The following LIMS1 variants were observed in gnomAD, a reference collection of about 807,000 sequenced individuals.
The protein encoded by LIMS1 is LIM and senescent cell antigen-like-containing domain protein 1.
A neutral mutation model predicts 44.1 loss-of-function variants in LIMS1; 18 were observed. The observed-to-expected ratio is 0.41, with a 90% CI of 0.28 to 0.61. The LOEUF is 0.61. Ranked by LOEUF, LIMS1 falls within the 20% of genes least tolerant of loss-of-function variation. The pLI is 0.32. For missense variants in LIMS1, 201 were observed against 422.0 expected, an observed-to-expected ratio of 0.48 and a Z score of 4.59; for synonymous variants, 93 against 149.1, an observed-to-expected ratio of 0.62 and a Z score of 2.74.
At chr2:108,601,062 G>A (rs989013633) in intron 1 of LIMS1, among the ~76,000 whole-genome samples, 1 of 152,084 alleles carries the variant, frequency 6.6e-6, no homozygotes, top group East Asian at 1.9e-4. Context: ...AGCCTCCTGA[G>A]TAGCTGGGAT....
chr2:108,573,677 T>C (rs1375647046), intron 1 of LIMS1, among the ~76,000 whole-genome samples: 1 of 152,178 alleles, frequency 6.6e-6, no homozygotes, highest in Non-Finnish European at 1.5e-5. Flanking sequence ...TTCATGGTGC[T>C]CATGTCCTTG....
upstream of LIMS1, chr2:108,533,714 A>C (rs1683999240): frequency 6.6e-6 from 1 of 152,542 alleles, no homozygotes; most frequent in Non-Finnish European, 1.5e-5. Flanking sequence ...CCGGCCCCAA[A>C]ATTTCAGGTT....
chr2:108,544,222 G>C (rs1023591642), intron 1 of LIMS1, among the ~76,000 whole-genome samples: 2 of 152,182 alleles, frequency 1.3e-5, no homozygotes, highest in African/African-American at 2.4e-5. Context: ...GGTCATCGTA[G>C]GGTTCAACCA....
chr2:108,644,771 C>T (rs111716019), intron 1 of LIMS1, among the ~76,000 whole-genome samples: 1 of 151,790 alleles, frequency 6.6e-6, no homozygotes, highest in Non-Finnish European at 1.5e-5. Context: ...AGATGAATTG[C>T]TAACTAGAAT....
intron 1 of LIMS1, among the ~76,000 whole-genome samples, chr2:108,615,585 G>A (rs1489685174): frequency 6.6e-6 from 1 of 152,162 alleles, no homozygotes; most frequent in South Asian, 2.1e-4. Context: ...AGGATCTGGG[G>A]AGCCCAGAGG....
chr2:108,577,207 T>G (rs151291040), intron 1 of LIMS1, among the ~76,000 whole-genome samples: 1 of 152,360 alleles, frequency 6.6e-6, no homozygotes, highest in African/African-American at 2.4e-5. Context: ...TGACACACTG[T>G]TAAGTCAGTG....
chr2:108,579,304 A>G (rs1411660593), intron 1 of LIMS1, among the ~76,000 whole-genome samples: 1 of 152,238 alleles, frequency 6.6e-6, no homozygotes, highest in Non-Finnish European at 1.5e-5. Context: ...CACAGCTCTT[A>G]TAGTAAGTGG....
rs774611343 is a variant in LIMS1, at chr2:108,661,334, TTC to T, written c.192+1572_192+1573del. 3.2e-4 allele frequency among the ~76,000 whole-genome samples: 37 copies of T among 114,880 alleles called. No individual in the cohort carries two copies. In the South Asian group the frequency reaches 4.2e-3, roughly 13 times the overall value. The allele number at this position is 114,880 out of a possible 152,430, so 75.4% of individuals were successfully genotyped here. A position where few individuals can be genotyped will look rare whatever the true frequency, so the allele number is the denominator to read the frequency against. ...GTTTTCGTTTTCTCTTTTCTTCTAGTTCTTTTTTTTTTTTTAACTTTATTTCT... is the reference window on the plus strand; with the variant it reads ...GTTTTCGTTTTCTCTTTTCTTCTAGTTTTTTTTTTTTTTAACTTTATTTCT... On this transcript the variant is annotated intron_variant, in intron 2 of 9. Coordinates refer to ENST00000544547, the Ensembl canonical transcript of LIMS1.
At chr2:108,541,859 G>A (rs1286374182) in intron 1 of LIMS1, among the ~76,000 whole-genome samples, 2 of 152,176 alleles carry the variant, frequency 1.3e-5, no homozygotes, top group Admixed American at 6.5e-5. Context: ...TAGGGAATTA[G>A]GGATTCAGAG....
At position 108,667,547 on chromosome 2, in the gene LIMS1, A is replaced by ATATAT. The variant is rs1248370235; in HGVS notation, c.193-3234_193-3233insTATAT. Among the ~76,000 whole-genome samples the ATATAT allele has an allele frequency of 1.7e-3, 126 of 72,478 alleles. 1 individual carries two copies. Among genetic ancestry groups the ATATAT allele is most frequent in the African/African-American group, 5.2e-3 (115 of 21,908 alleles). The allele number at this position is 72,478 out of a possible 152,430, so 47.5% of individuals were successfully genotyped here. On this transcript the variant is annotated intron_variant, in intron 2 of 9. Coordinates refer to ENST00000544547, the Ensembl canonical transcript of LIMS1. ...TATTTTCAACCTTTTTTAAAAAAAA[A>ATATAT]AAAAATATATATATATATATATACT...
chr2:108,649,113 T>G (rs915790226), intron 1 of LIMS1, among the ~76,000 whole-genome samples: 1 of 151,884 alleles, frequency 6.6e-6, no homozygotes, highest in Non-Finnish European at 1.5e-5. Context: ...CCAGAATCTA[T>G]AAAGAACTAA....
At chr2:108,621,533 A>T (rs1688240977) in intron 1 of LIMS1, 1 of 1,074,636 alleles carries the variant, frequency 9.3e-7, no homozygotes, top group African/African-American at 1.6e-5. Context: ...ATTCATGCCT[A>T]AGTGGATGCA....
intron 1 of LIMS1, among the ~76,000 whole-genome samples, chr2:108,633,955 CT>C (rs1689073731): frequency 6.6e-6 from 1 of 152,192 alleles, no homozygotes; most frequent in African/African-American, 2.4e-5. Flanking sequence ...CCAAGCTTTT[CT>C]TGTGATTCTG....
In LIMS1 at chr2:108,656,318, TATAGATAG is replaced by T. The variant is rs61527656; in HGVS notation, c.33-3259_33-3252del. Among the ~76,000 whole-genome samples the T allele has an allele frequency of 9.0e-3, 760 of 84,276 alleles. 12 individuals carry two copies. Among genetic ancestry groups the T allele is most frequent in the African/African-American group, 0.025 (707 of 28,674 alleles). 55.3% of individuals were successfully genotyped at this position (84,276 alleles called of 152,430 possible). A position where few individuals can be genotyped will look rare whatever the true frequency, so the allele number is the denominator to read the frequency against. On this transcript the variant is annotated intron_variant, in intron 1 of 9. Coordinates refer to ENST00000544547, the Ensembl canonical transcript of LIMS1. ...ACATATAAATATCTATCTATCTATC[TATAGATAG>T]ATAGATAGATAGATAGATAGATAGA...
In LIMS1 at chr2:108,616,197, C is replaced by CTTT. The variant is rs1159229290; in HGVS notation, c.33-43386_33-43384dup. Among the ~76,000 whole-genome samples, 174 of 71,936 alleles carry CTTT rather than the reference C, an allele frequency of 2.4e-3. 1 individual carries two copies. Among genetic ancestry groups the CTTT allele is most frequent in the East Asian group, 5.0e-3 (9 of 1,804 alleles). 47.2% of individuals were successfully genotyped at this position (71,936 alleles called of 152,430 possible). A position where few individuals can be genotyped will look rare whatever the true frequency, so the allele number is the denominator to read the frequency against. On this transcript the variant is annotated intron_variant, in intron 1 of 9. Transcript: ENST00000544547. Reference sequence around the variant, plus strand: ...AATGACACAGGCAAGTTTGCATGGGCTTTTTTTTTTTTTTTTTTTTTTTTG... The same window carrying CTTT: ...AATGACACAGGCAAGTTTGCATGGGCTTTTTTTTTTTTTTTTTTTTTTTTTTTG...
At chr2:108,565,035 C>T (rs1466795849) in intron 1 of LIMS1, among the ~76,000 whole-genome samples, 3 of 151,900 alleles carry the variant, frequency 2.0e-5, no homozygotes, top group African/African-American at 7.2e-5. Flanking sequence ...GACAAAATCT[C>T]TGAGCTTTCT....
chr2:108,681,277 T>C (rs1047126482), intron 9 of LIMS1: 1 of 985,328 alleles, frequency 1.0e-6, no homozygotes, highest in Non-Finnish European at 1.2e-6. Context: ...ATTTGTCCTA[T>C]GTAGAACTGG....
chr2:108,653,337 C>T (rs1206312439), intron 1 of LIMS1, among the ~76,000 whole-genome samples: 2 of 149,292 alleles, frequency 1.3e-5, no homozygotes, highest in African/African-American at 5.0e-5. Flanking sequence ...GTAACTAACA[C>T]CTATCTCAGA....
intron 1 of LIMS1, among the ~76,000 whole-genome samples, chr2:108,542,664 A>G (rs1420143827): frequency 6.6e-6 from 1 of 152,204 alleles, no homozygotes; most frequent in African/African-American, 2.4e-5. Context: ...CTTATTGCCA[A>G]CCATACCACA....
Sources: allele counts gnomAD v4.1 joint callset (sites outside exome capture counted in the v4.1 genomes callset), GRCh38; gene constraint gnomAD v4.1.1; transcripts MANE v1.5; gene names NCBI Gene and HGNC (gene_info 2026-07-23, HGNC 2026-07-21).